The following UBE2O variants were observed in gnomAD, a reference collection of about 807,000 sequenced individuals.
UBE2O encodes the protein (E3-independent) E2 ubiquitin-conjugating enzyme.
UBE2O carries 15 observed loss-of-function variants against 125.8 expected under a neutral mutation model. That is an observed-to-expected ratio of 0.12 (90% CI 0.08 to 0.18). The LOEUF is 0.18. UBE2O is among the 10% of genes least tolerant of loss of function. The probability of loss-of-function intolerance (pLI) is 1.00; values close to 1 mark genes in which losing one functional copy is unlikely to be tolerated. For synonymous variants in UBE2O, 708 were observed against 703.2 expected (o/e 1.01, Z -0.11); for missense variants, 1,280 against 1,723.6 (o/e 0.74, Z 4.56).
chr17:76,442,127 C>G (rs955283810), intron 1 of UBE2O, among the ~76,000 whole-genome samples: 1 of 152,204 alleles, frequency 6.6e-6, no homozygotes, highest in South Asian at 2.1e-4. Context: ...AGCTTCATTT[C>G]GACCACAGGT....
intron 1 of UBE2O, among the ~76,000 whole-genome samples, chr17:76,420,293 T>C (rs575780232): frequency 7.2e-5 from 11 of 152,238 alleles, no homozygotes; most frequent in African/African-American, 2.4e-4. Context: ...AGGCCAGTTG[T>C]TTCCCCGGGG....
In UBE2O at chr17:76,402,002, A is replaced by C; in HGVS notation, c.750+62T>G. On this transcript the variant is annotated intron_variant, in intron 5 of 17. Transcript: ENST00000319380. This position sits in a 1 kb window ranked among gnomAD's most constrained non-coding sequence, Gnocchi z 5.4. The stretch of plus-strand genomic sequence containing the variant: ...AGCTGGGTCCAGGTCTTTGCTACGA[A>C]GTCCTCCTTCCAGAGGACTGAGCAA... 2 of 1,562,638 alleles carry C rather than the reference A, an allele frequency of 1.3e-6. No individual in the cohort carries two copies. Among genetic ancestry groups the C allele is most frequent in the South Asian group, 2.3e-5 (2 of 86,342 alleles).
In UBE2O at chr17:76,410,221, G is replaced by A. The variant is rs1198319529; in HGVS notation, c.418-4649C>T. ...TCCACTCAGAGCCCTGCCTGATGGT[G>A]ATATCCAAAACATTACCTGATTTTT... On this transcript the variant is annotated intron_variant, in intron 1 of 17. Transcript: ENST00000319380. The surrounding 1 kb of genome is among the most constrained non-coding windows in gnomAD (Gnocchi z 4.0). Among the ~76,000 whole-genome samples, 1 of 152,102 alleles carries A rather than the reference G, an allele frequency of 6.6e-6. No individual in the cohort carries two copies. The highest frequency in any genetic ancestry group is 1.5e-5 in the Non-Finnish European group (1 of 68,016).
Position 76,400,352 on chromosome 17 carries a change from T to C in UBE2O, c.1005-55A>G, listed in dbSNP as rs2072297859. On this transcript the variant is annotated intron_variant, in intron 7 of 17. Coordinates refer to ENST00000319380, the MANE Select transcript of UBE2O (RefSeq NM_022066.4). The surrounding 1 kb of genome is among the most constrained non-coding windows in gnomAD (Gnocchi z 4.3). Reference sequence around the variant, plus strand: ...GGCTGGACTCCTGGGAGGCCAGCAGTGTTCTTAAGCCTCCCCAGGCATGTG... The same window carrying C: ...GGCTGGACTCCTGGGAGGCCAGCAGCGTTCTTAAGCCTCCCCAGGCATGTG... 6.2e-7 allele frequency: 1 copy of C among 1,601,054 alleles called. No individual in the cohort carries two copies. The highest frequency in any genetic ancestry group is 1.3e-5 in the African/African-American group (1 of 74,598).
At position 76,396,012 on chromosome 17, in the gene UBE2O, G is replaced by A; in HGVS notation, c.2809+116C>T. ...ACCACACAGGGAAATGGTTTGCCCT[G>A]GGGCAGTAGCTGGGGTCTGGCGAGG... On this transcript the variant is annotated intron_variant, in intron 14 of 17. Transcript: ENST00000319380. The surrounding 1 kb of genome is among the most constrained non-coding windows in gnomAD (Gnocchi z 6.7). 6.1e-6 allele frequency: 9 copies of A among 1,481,500 alleles called. No homozygotes were observed. The highest frequency in any genetic ancestry group is 8.3e-6 in the Non-Finnish European group (9 of 1,086,156). 91.8% of individuals were successfully genotyped at this position (1,481,500 alleles called of 1,614,324 possible).
At chr17:76,418,627 T>C (rs1282264881) in intron 1 of UBE2O, among the ~76,000 whole-genome samples, 1 of 151,122 alleles carries the variant, frequency 6.6e-6, no homozygotes, top group Non-Finnish European at 1.5e-5. Context: ...TGGAGTGCAG[T>C]GGCGCGATCT....
In UBE2O at chr17:76,391,851, G is replaced by A. The variant is rs774236105; in HGVS notation, c.3151-38C>T. Reference sequence around the variant, plus strand: ...GGGCACCATCAATTCTGTTCCCCAGGCCCCTATCCACCAGTGGCTCTTCCT... The same window carrying A: ...GGGCACCATCAATTCTGTTCCCCAGACCCCTATCCACCAGTGGCTCTTCCT... On this transcript the variant is annotated intron_variant, in intron 16 of 17. Coordinates refer to ENST00000319380, the MANE Select transcript of UBE2O (RefSeq NM_022066.4). This position sits in a 1 kb window ranked among gnomAD's most constrained non-coding sequence, Gnocchi z 8.4. The A allele has an allele frequency of 1.9e-6, 3 of 1,613,912 alleles. No individual in the cohort carries two copies. The highest frequency in any genetic ancestry group is 2.5e-6 in the Non-Finnish European group (3 of 1,179,946).
chr17:76,401,983 G>T, intron 5 of UBE2O, 81 bp downstream of exon 5: 1 of 1,468,976 alleles, frequency 6.8e-7, no homozygotes, highest in Non-Finnish European at 9.3e-7. Flanking sequence ...GTTTAGCTGG[G>T]TCCAGGTCTT....
Position 76,400,665 on chromosome 17 carries a change from G to T in UBE2O, c.895-115C>A. 1.4e-6 allele frequency: 1 copy of T among 708,002 alleles called. No homozygotes were observed. Among genetic ancestry groups the T allele is most frequent in the Middle Eastern group, 3.2e-4 (1 of 3,146 alleles). 43.9% of individuals were successfully genotyped at this position (708,002 alleles called of 1,614,324 possible). A position where few individuals can be genotyped will look rare whatever the true frequency, so the allele number is the denominator to read the frequency against. On this transcript the variant is annotated intron_variant, in intron 6 of 17. Transcript: ENST00000319380. The surrounding 1 kb of genome is among the most constrained non-coding windows in gnomAD (Gnocchi z 4.3). ...GCAGGAAACTGATCTTCCTAGTGCA[G>T]CACCAAGTACAGACACATCAGAGCA...
rs1229379224 is a variant in UBE2O at position 76,398,296 on chromosome 17, T to C, written c.1984A>G (p.Ile662Val). The change falls in exon 12 of 18, where the codon ATC becomes GTC. Residue 662 changes from isoleucine (I) to valine (V), a missense_variant. This residue lies in a region of UBE2O where 210 missense variants were observed against 268.9 expected (regional missense o/e 0.78). Transcript: ENST00000319380. The surrounding 1 kb of genome is among the most constrained non-coding windows in gnomAD (Gnocchi z 5.4). ...GGAGCCCCATCCTCAGTATTGCCGATGCGGATGACGATGTCAGTTGTACGG... is the reference window on the plus strand; with the variant it reads ...GGAGCCCCATCCTCAGTATTGCCGACGCGGATGACGATGTCAGTTGTACGG... Reference protein sequence around the residue: ...RFRTTDIVIRIGNTEDGAPHK... With the variant: ...RFRTTDIVIRVGNTEDGAPHK... 2 of 1,614,092 alleles carry C rather than the reference T, an allele frequency of 1.2e-6. No homozygotes were observed. Among genetic ancestry groups the C allele is most frequent in the Non-Finnish European group, 1.7e-6 (2 of 1,180,040 alleles).
chr17:76,418,823 C>T (rs1331355094), intron 1 of UBE2O, among the ~76,000 whole-genome samples: 1 of 152,162 alleles, frequency 6.6e-6, no homozygotes, highest in African/African-American at 2.4e-5. Context: ...CCCGCGTCGG[C>T]CTCCCAAAGT....
At position 76,410,190 on chromosome 17, in the gene UBE2O, A is replaced by C. The variant is rs2072492236; in HGVS notation, c.418-4618T>G. Among the ~76,000 whole-genome samples the C allele has an allele frequency of 6.6e-6, 1 of 152,106 alleles. No homozygotes were observed. ...ATCCTGAGCAAGATGGAAGCCCCTG[A>C]AGGCCTCCACTCAGAGCCCTGCCTG... On this transcript the variant is annotated intron_variant, in intron 1 of 17. Coordinates refer to ENST00000319380, the MANE Select transcript of UBE2O (RefSeq NM_022066.4). The surrounding 1 kb of genome is among the most constrained non-coding windows in gnomAD (Gnocchi z 4.0).
chr17:76,403,743 AACAATG>A (rs554849357), intron 3 of UBE2O, among the ~76,000 whole-genome samples: 77 of 152,332 alleles, frequency 5.1e-4, no homozygotes, highest in African/African-American at 1.7e-3. Context: ...ATTCTCTGAA[AACAATG>A]AGGCTTCTTG....
intron 1 of UBE2O, among the ~76,000 whole-genome samples, chr17:76,437,917 G>A (rs920409800): frequency 1.3e-5 from 2 of 152,186 alleles, no homozygotes; most frequent in Non-Finnish European, 2.9e-5. Flanking sequence ...AGGAAGATGG[G>A]GGACAGGCTA....
In UBE2O at chr17:76,405,620, C is replaced by G. The variant is rs994591189; in HGVS notation, c.418-48G>C. 1.3e-6 allele frequency: 2 copies of G among 1,486,394 alleles called. No individual in the cohort carries two copies. The highest frequency in any genetic ancestry group is 1.4e-5 in the African/African-American group (1 of 72,746). 92.1% of individuals were successfully genotyped at this position (1,486,394 alleles called of 1,614,324 possible). ...GAGAGAATGGACTCTGAAGCCACCA[C>G]AGAATACAGTTTTCTTCCAGCTTCT... On this transcript the variant is annotated intron_variant, in intron 1 of 17. Coordinates refer to ENST00000319380, the MANE Select transcript of UBE2O (RefSeq NM_022066.4). This position sits in a 1 kb window ranked among gnomAD's most constrained non-coding sequence, Gnocchi z 6.1.
chr17:76,413,129 T>G (rs2072544989), intron 1 of UBE2O, among the ~76,000 whole-genome samples: 1 of 152,308 alleles, frequency 6.6e-6, no homozygotes. Context: ...TCCTATATAT[T>G]CAAGGCTAGA....
At chr17:76,432,605 G>C (rs996057735) in intron 1 of UBE2O, among the ~76,000 whole-genome samples, 1 of 152,098 alleles carries the variant, frequency 6.6e-6, no homozygotes, top group East Asian at 1.9e-4. Flanking sequence ...AGGAAAGGGG[G>C]TTAAATCCCA....
chr17:76,396,414 A>G lies in UBE2O; in HGVS notation c.2523T>C (p.Thr841=). 1 of 1,614,186 alleles carries G rather than the reference A, an allele frequency of 6.2e-7. No individual in the cohort carries two copies. Among genetic ancestry groups the G allele is most frequent in the Non-Finnish European group, 8.5e-7 (1 of 1,180,042 alleles). Residue 841 remains threonine (T), a synonymous_variant, in exon 14 of 18, where the codon ACT becomes ACC. Transcript: ENST00000319380. This position sits in a 1 kb window ranked among gnomAD's most constrained non-coding sequence, Gnocchi z 6.7. The part of the protein sequence containing the change: ...QLLTGSPTSP[T]VEPEKPTREK... The stretch of plus-strand genomic sequence containing the variant: ...CCCGAGTTGGCTTCTCAGGCTCCAC[A>G]GTCGGAGAGGTGGGCGAGCCCGTCA...
chr17:76,400,338 T>A lies in UBE2O; in HGVS notation c.1005-41A>T, dbSNP rs367864952. ...GTGGGGGTGAGCTGGGCTGGACTCCTGGGAGGCCAGCAGTGTTCTTAAGCC... is the reference window on the plus strand; with the variant it reads ...GTGGGGGTGAGCTGGGCTGGACTCCAGGGAGGCCAGCAGTGTTCTTAAGCC... On this transcript the variant is annotated intron_variant, in intron 7 of 17. Coordinates refer to ENST00000319380, the MANE Select transcript of UBE2O (RefSeq NM_022066.4). The surrounding 1 kb of genome is among the most constrained non-coding windows in gnomAD (Gnocchi z 4.3). 61 of 1,606,928 alleles carry A rather than the reference T, an allele frequency of 3.8e-5. No homozygotes were observed. In the African/African-American group the frequency reaches 6.7e-4, roughly 18 times the overall value.
Sources: allele counts gnomAD v4.1 joint callset (sites outside exome capture counted in the v4.1 genomes callset), GRCh38; gene constraint gnomAD v4.1.1; regional missense constraint gnomAD v4.1.1; non-coding constraint Gnocchi (gnomAD v3.1); transcripts MANE v1.5; gene names NCBI Gene and HGNC (gene_info 2026-07-23, HGNC 2026-07-21).